RREB1: variants seen among roughly 807,000 people sequenced by gnomAD.
RREB1 encodes the protein ras-responsive element-binding protein 1.
Under a neutral mutation model 117.8 loss-of-function variants are expected in RREB1, and 27 were observed. That is an observed-to-expected ratio of 0.23 (90% CI 0.17 to 0.32). RREB1 has a LOEUF of 0.32. Ranked by LOEUF, RREB1 falls within the 10% of genes least tolerant of loss-of-function variation. The pLI is 1.00. For synonymous variants in RREB1, 1,298 were observed against 1,026.7 expected (o/e 1.26, Z -5.05); for missense variants, 2,577 against 2,378.2 (o/e 1.08, Z -1.74).
intron 1 of RREB1, among the ~76,000 whole-genome samples, chr6:7,115,527 A>G (rs1041297469): frequency 1.3e-5 from 2 of 152,112 alleles, no homozygotes; most frequent in East Asian, 1.9e-4. Flanking sequence ...ACTTGAAGAT[A>G]GCTCTTTTTA....
At chr6:7,143,653 T>TC (rs1301747656) in intron 1 of RREB1, among the ~76,000 whole-genome samples, 2 of 152,162 alleles carry the variant, frequency 1.3e-5, no homozygotes, top group African/African-American at 4.8e-5. Context: ...TCCTTTTTTT[T>TC]CACTCCCTTT....
intron 10 of RREB1, among the ~76,000 whole-genome samples, chr6:7,235,500 T>A (rs1768259928): frequency 6.6e-6 from 1 of 152,238 alleles, no homozygotes. Flanking sequence ...TTTCTAGTTT[T>A]TTGCTTTTGT....
At chr6:7,242,464 A>C (rs1337792965) in intron 11 of RREB1, among the ~76,000 whole-genome samples, 1 of 152,242 alleles carries the variant, frequency 6.6e-6, no homozygotes, top group Non-Finnish European at 1.5e-5. Flanking sequence ...TTGTAATGTG[A>C]AACCAGCAAA....
intron 11 of RREB1, among the ~76,000 whole-genome samples, chr6:7,242,651 C>A (rs572575598): frequency 5.1e-4 from 75 of 148,446 alleles, no homozygotes; most frequent in African/African-American, 1.7e-3. Flanking sequence ...TTCCCCCCCC[C>A]CAGTGAAGTT....
intron 12 of RREB1, among the ~76,000 whole-genome samples, chr6:7,247,961 T>C (rs1047231962): frequency 1.3e-5 from 2 of 152,192 alleles, no homozygotes; most frequent in African/African-American, 4.8e-5. Context: ...CGCAGTCGGC[T>C]CTGCCCTGCG....
Position 7,230,399 on chromosome 6 carries a change from C to T in RREB1, c.2300C>T (p.Ala767Val), listed in dbSNP as rs1316569295. The change falls in exon 10 of 13, where the codon GCC becomes GTC. Residue 767 changes from alanine (A) to valine (V), a missense_variant. Transcript: ENST00000379938. ...GGCGAGGACCTCAAGCACTATCGTGCCCTGCGCATCCACATGCGCACGCAC... is the reference window on the plus strand; with the variant it reads ...GGCGAGGACCTCAAGCACTATCGTGTCCTGCGCATCCACATGCGCACGCAC... Reference protein sequence around the residue: ...LCGEDLKHYRALRIHMRTHCG... With the variant: ...LCGEDLKHYRVLRIHMRTHCG... The T allele has an allele frequency of 2.5e-6, 4 of 1,591,900 alleles. No homozygotes were observed. The highest frequency in any genetic ancestry group is 3.4e-6 in the Non-Finnish European group (4 of 1,174,444).
intron 1 of RREB1, among the ~76,000 whole-genome samples, chr6:7,108,316 T>TCCTCCTCCTCCTCCTCCTCC: frequency 6.7e-6 from 1 of 148,172 alleles, no homozygotes. Flanking sequence ...CGCCGGGCCA[T>TCCTCCTCCTCCTCCTCCTCC]TCCTCCTCCT....
intron 5 of RREB1, among the ~76,000 whole-genome samples, chr6:7,188,606 A>G (rs2113552274): frequency 6.6e-6 from 1 of 152,226 alleles, no homozygotes; most frequent in Admixed American, 6.5e-5. Context: ...ACAGTGAAGG[A>G]TTGATGACCT....
chr6:7,169,277 C>G (rs1393432719), intron 1 of RREB1, among the ~76,000 whole-genome samples: 1 of 152,194 alleles, frequency 6.6e-6, no homozygotes, highest in South Asian at 2.1e-4. Context: ...TAGCCTTGGC[C>G]CAGGAAACCC....
In RREB1 at chr6:7,230,444, G is replaced by A. The variant is rs773788976; in HGVS notation, c.2345G>A (p.Gly782Glu). 1.9e-6 allele frequency: 3 copies of A among 1,591,996 alleles called. No individual in the cohort carries two copies. The highest frequency in any genetic ancestry group is 2.6e-6 in the Non-Finnish European group (3 of 1,175,488). The part of the protein sequence containing the change: ...MRTHCGRGLG[G>E]GHKGRKPFEC... ...ACGCACTGCGGCCGCGGCCTGGGCG[G>A]GGGCCACAAGGGCCGCAAGCCCTTC... Residue 782 changes from glycine (G) to glutamate (E), a missense_variant, in exon 10 of 13, where the codon GGG (glycine) becomes GAG (glutamate). Coordinates refer to ENST00000379938, the MANE Select transcript of RREB1 (RefSeq NM_001003699.4).
In RREB1 at chr6:7,250,615, C is replaced by G. The variant is rs1272345678; in HGVS notation, c.*1647C>G. 2.6e-5 allele frequency: 4 copies of G among 152,038 alleles called. No homozygotes were observed. The highest frequency in any genetic ancestry group is 4.4e-5 in the Non-Finnish European group (3 of 68,046). The allele number at this position is 152,038 out of a possible 1,614,324, so 9.4% of individuals were successfully genotyped here. ...CCTCTTGCCTTCCCCTGGGGAGGCACCCCTGTACCCCAGCTTCCTTCCCCT... is the reference window on the plus strand; with the variant it reads ...CCTCTTGCCTTCCCCTGGGGAGGCAGCCCTGTACCCCAGCTTCCTTCCCCT... On this transcript the variant is annotated 3_prime_UTR_variant, in exon 13 of 13. Transcript: ENST00000379938.
At chr6:7,164,089 C>T (rs980515677) in intron 1 of RREB1, among the ~76,000 whole-genome samples, 9 of 152,134 alleles carry the variant, frequency 5.9e-5, no homozygotes, top group Non-Finnish European at 1.2e-4. Context: ...CAGCACAGTT[C>T]CTCTGGTCGC....
At chr6:7,132,756 G>C (rs1461969407) in intron 1 of RREB1, among the ~76,000 whole-genome samples, 1 of 152,056 alleles carries the variant, frequency 6.6e-6, no homozygotes, top group Admixed American at 6.5e-5. Context: ...CTAAGTGATG[G>C]GATTGTAGAG....
chr6:7,124,045 G>C (rs1031071369), intron 1 of RREB1, among the ~76,000 whole-genome samples: 5 of 152,232 alleles, frequency 3.3e-5, no homozygotes, highest in African/African-American at 1.2e-4. Flanking sequence ...TGGACACTCT[G>C]CTTTAGAAAG....
chr6:7,125,118 A>C (rs551665671), intron 1 of RREB1, among the ~76,000 whole-genome samples: 10 of 152,336 alleles, frequency 6.6e-5, no homozygotes, highest in Non-Finnish European at 2.9e-5. Context: ...CACTTCTGTG[A>C]TGGTCAGAAG....
chr6:7,162,844 AT>A (rs961250474), intron 1 of RREB1, among the ~76,000 whole-genome samples: 1 of 151,322 alleles, frequency 6.6e-6, no homozygotes, highest in East Asian at 1.9e-4. Flanking sequence ...TTTTATTTTT[AT>A]TTTTTTATTT....
intron 3 of RREB1, chr6:7,181,621 ATGAGTT>A (rs1764798147): frequency 1.7e-6 from 1 of 578,614 alleles, no homozygotes; most frequent in African/African-American, 1.9e-5. Flanking sequence ...CCTGCCTCTC[ATGAGTT>A]TGAGTCCTGT....
intron 1 of RREB1, among the ~76,000 whole-genome samples, chr6:7,138,830 G>A (rs1177187942): frequency 6.6e-6 from 1 of 152,188 alleles, no homozygotes; most frequent in Non-Finnish European, 1.5e-5. Flanking sequence ...GTTCCTAGTT[G>A]CTGGAGAAGG....
intron 1 of RREB1, among the ~76,000 whole-genome samples, chr6:7,155,499 CAG>C (rs1199622866): frequency 1.3e-5 from 2 of 152,224 alleles, no homozygotes; most frequent in Non-Finnish European, 2.9e-5. Flanking sequence ...TTGGTAGAGA[CAG>C]GGTTTCACCC....
Sources: allele counts gnomAD v4.1 joint callset (sites outside exome capture counted in the v4.1 genomes callset), GRCh38; gene constraint gnomAD v4.1.1; transcripts MANE v1.5; gene names NCBI Gene and HGNC (gene_info 2026-07-23, HGNC 2026-07-21).